PRDM16: variants seen among roughly 807,000 people sequenced by gnomAD.
The protein encoded by PRDM16 is histone-lysine N-methyltransferase PRDM16.
A neutral mutation model predicts 110.6 loss-of-function variants in PRDM16; 23 were observed. The observed-to-expected ratio is 0.21, with a 90% CI of 0.15 to 0.29. The LOEUF (loss-of-function observed/expected upper bound fraction) is 0.29. PRDM16 is among the 10% of genes least tolerant of loss of function. The pLI is 1.00. For synonymous variants in PRDM16, 799 were observed against 781.8 expected (o/e 1.02, Z -0.37); for missense variants, 1,615 against 1,794.3 (o/e 0.90, Z 1.81).
chr1:3,231,259 G>A (rs1557545175), intron 2 of PRDM16, among the ~76,000 whole-genome samples: 1 of 152,156 alleles, frequency 6.6e-6, no homozygotes, highest in African/African-American at 2.4e-5. Flanking sequence ...CTTTTGGTCC[G>A]CAAGTCATGG....
intron 3 of PRDM16, among the ~76,000 whole-genome samples, chr1:3,379,061 G>T (rs796874526): frequency 1.8e-4 from 25 of 140,408 alleles, no homozygotes; most frequent in African/African-American, 6.4e-4. Context: ...CGCCCTTCCT[G>T]GTGCACCCTC....
In PRDM16 at chr1:3,425,628, G is replaced by A. The variant is rs1287311513; in HGVS notation, c.2987G>A (p.Arg996Gln). The A allele has an allele frequency of 6.2e-7, 1 of 1,613,944 alleles. No homozygotes were observed. Among genetic ancestry groups the A allele is most frequent in the Non-Finnish European group, 8.5e-7 (1 of 1,179,942 alleles). ...RSFSISSNLQRHVRNIHNKEK... is the reference protein window; with the variant it reads ...RSFSISSNLQQHVRNIHNKEK... ...TTCAGCATCTCTTCGAACCTCCAGC[G>A]GCACGTCCGGAACATCCACAACAAG... The change falls in exon 13 of 17, where the codon CGG becomes CAG. Residue 996 changes from arginine (R) to glutamine (Q), a missense_variant. Around this residue, in one of 5 missense-constraint regions of PRDM16, gnomAD observed 18 missense variants for 75.2 expected, o/e 0.24. Coordinates refer to ENST00000270722, the MANE Select transcript of PRDM16 (RefSeq NM_022114.4). The surrounding 1 kb of genome is among the most constrained non-coding windows in gnomAD (Gnocchi z 6.9).
At chr1:3,404,416 G>T (rs1224935458) in intron 6 of PRDM16, among the ~76,000 whole-genome samples, 2 of 152,240 alleles carry the variant, frequency 1.3e-5, no homozygotes, top group African/African-American at 4.8e-5. Context: ...TAGCTGCAAG[G>T]CCAGGACCAG....
intron 1 of PRDM16, among the ~76,000 whole-genome samples, chr1:3,096,251 C>T (rs780302902): frequency 4.6e-5 from 7 of 152,180 alleles, no homozygotes; most frequent in Non-Finnish European, 1.0e-4. Flanking sequence ...AGTTCTCAAA[C>T]CTCCCTGCTC....
chr1:3,406,461 G>A (rs12737202), intron 8 of PRDM16, among the ~76,000 whole-genome samples: 20,852 of 152,066 alleles, frequency 0.14, 1,620 homozygotes, highest in East Asian at 0.29. Flanking sequence ...GCCAGGTGGT[G>A]GCTCACACCT....
chr1:3,409,834 GGT>G (rs1207808661), intron 8 of PRDM16, among the ~76,000 whole-genome samples: 6 of 125,930 alleles, frequency 4.8e-5, no homozygotes, highest in East Asian at 5.0e-4. Context: ...GTTGTGTGTG[GGT>G]GTGTGGTGTG....
chr1:3,117,723 G>T (rs751377562), intron 1 of PRDM16, among the ~76,000 whole-genome samples: 1 of 152,110 alleles, frequency 6.6e-6, no homozygotes, highest in Non-Finnish European at 1.5e-5. Context: ...CCTGTTGACC[G>T]CTGGGCTGAG....
At chr1:3,304,543 G>C (rs1487747042) in intron 3 of PRDM16, among the ~76,000 whole-genome samples, 1 of 152,200 alleles carries the variant, frequency 6.6e-6, no homozygotes, top group African/African-American at 2.4e-5. Flanking sequence ...GCACAGCCTG[G>C]AGCACATTGC....
intron 2 of PRDM16, among the ~76,000 whole-genome samples, chr1:3,235,739 C>T (rs925406104): frequency 1.6e-4 from 24 of 152,034 alleles, no homozygotes; most frequent in Non-Finnish European, 3.2e-4. Context: ...ACGGCGGGGG[C>T]GGGGTGTGGG....
rs934220698 is a variant in PRDM16, at chr1:3,080,954, G to A, written c.37+11658G>A. ...AGTGTGTGTGTGTAGAGGGGGTGGCGGGGCGGGGGGGGTCTGCACATTCCG... is the reference window on the plus strand; with the variant it reads ...AGTGTGTGTGTGTAGAGGGGGTGGCAGGGCGGGGGGGGTCTGCACATTCCG... On this transcript the variant is annotated intron_variant, in intron 1 of 16. Coordinates refer to ENST00000270722, the MANE Select transcript of PRDM16 (RefSeq NM_022114.4). This position sits in a 1 kb window ranked among gnomAD's most constrained non-coding sequence, Gnocchi z 5.2. Among the ~76,000 whole-genome samples, 7 of 151,510 alleles carry A rather than the reference G, an allele frequency of 4.6e-5. No individual in the cohort carries two copies. Among genetic ancestry groups the A allele is most frequent in the Non-Finnish European group, 8.8e-5 (6 of 67,836 alleles).
intron 1 of PRDM16, among the ~76,000 whole-genome samples, chr1:3,097,122 G>A (rs55915245): frequency 0.029 from 4,403 of 152,248 alleles, 115 homozygotes; most frequent in African/African-American, 0.067. Context: ...GAGCGGTGCC[G>A]AGAAGTTGCC....
intron 1 of PRDM16, among the ~76,000 whole-genome samples, chr1:3,130,423 C>G (rs985325492): frequency 6.6e-6 from 1 of 152,188 alleles, no homozygotes; most frequent in Admixed American, 6.5e-5. Flanking sequence ...CAAAGGCAGC[C>G]GAGAGGTGGG....
chr1:3,409,871 ATG>A (rs1436622282), intron 8 of PRDM16, among the ~76,000 whole-genome samples: 11 of 45,670 alleles, frequency 2.4e-4, no homozygotes, highest in African/African-American at 3.4e-4. Flanking sequence ...GTTTGTGTGC[ATG>A]TGTGTGGTTG....
chr1:3,240,731 G>T (rs1304932429), intron 2 of PRDM16, among the ~76,000 whole-genome samples: 1 of 152,246 alleles, frequency 6.6e-6, no homozygotes, highest in Non-Finnish European at 1.5e-5. Flanking sequence ...GGCGGCGCCA[G>T]AACTCCAGAG....
rs1640914377 is a variant in PRDM16, at chr1:3,288,961, A to G, written c.438+44824A>G. Among the ~76,000 whole-genome samples, 3 of 152,160 alleles carry G rather than the reference A, an allele frequency of 2.0e-5. No homozygotes were observed. The South Asian group carries it at 6.2e-4, about 32-fold the overall frequency. ...GTTCCCTAGAGTGGAAGAGCAGACC[A>G]GGGGCCTGCCATCCTTGCGTGCTCA... On this transcript the variant is annotated intron_variant, in intron 3 of 16. Transcript: ENST00000270722.
At chr1:3,273,150 A>AGGGATGAGGTGGGGAGCAGGG (rs1557573087) in intron 3 of PRDM16, among the ~76,000 whole-genome samples, 1 of 152,116 alleles carries the variant, frequency 6.6e-6, no homozygotes, top group African/African-American at 2.4e-5. Flanking sequence ...GGGGAGCAGG[A>AGGGATGAGGTGGGGAGCAGGG]GCAGGGATGA....
chr1:3,091,319 C>T (rs2788096), intron 1 of PRDM16, among the ~76,000 whole-genome samples: 50,710 of 151,940 alleles, frequency 0.33, 9,345 homozygotes, highest in African/African-American at 0.49. Context: ...TCACCTGGGA[C>T]GTTACCAGCA....
chr1:3,096,554 C>G (rs1024426133), intron 1 of PRDM16, among the ~76,000 whole-genome samples: 2 of 152,226 alleles, frequency 1.3e-5, no homozygotes, highest in African/African-American at 4.8e-5. Context: ...CTGCACCTGC[C>G]TCTTCCTCTT....
At chr1:3,392,605 T>C (rs1203716330) in intron 4 of PRDM16, among the ~76,000 whole-genome samples, 1 of 152,240 alleles carries the variant, frequency 6.6e-6, no homozygotes, top group Non-Finnish European at 1.5e-5. Flanking sequence ...GTCGTCTCTT[T>C]TCTTGTGAAT....
Sources: gnomAD v4.1 joint callset for allele counts (sites outside exome capture counted in the v4.1 genomes callset) on GRCh38, gnomAD v4.1.1 for gene constraint, gnomAD v4.1.1 regional missense constraint, Gnocchi (gnomAD v3.1) non-coding constraint, MANE v1.5 for transcripts, NCBI Gene and HGNC (gene_info 2026-07-23, HGNC 2026-07-21) for gene names.